Variants in SLC7A8 observed in about 807,000 individuals in gnomAD.
SLC7A8 encodes the protein large neutral amino acids transporter small subunit 2.
A neutral mutation model predicts 51.2 loss-of-function variants in SLC7A8; 30 were observed. That is an observed-to-expected ratio of 0.59 (90% CI 0.44 to 0.80). SLC7A8 has a LOEUF of 0.80. SLC7A8 is among the 30% of genes least tolerant of loss of function. The pLI is 0.00. For missense variants in SLC7A8, 612 were observed against 674.4 expected (o/e 0.91, Z 1.03); for synonymous variants, 257 against 275.8 (o/e 0.93, Z 0.67).
At chr14:23,163,289 T>G (rs1354155323) in intron 3 of SLC7A8, among the ~76,000 whole-genome samples, 1 of 152,144 alleles carries the variant, frequency 6.6e-6, no homozygotes, top group African/African-American at 2.4e-5. Flanking sequence ...CATCTCACAG[T>G]AGGGTGGACG....
intron 1 of SLC7A8, among the ~76,000 whole-genome samples, chr14:23,179,640 T>C (rs1877076093): frequency 6.6e-6 from 1 of 151,900 alleles, no homozygotes; most frequent in South Asian, 2.1e-4. Flanking sequence ...AGACCCTGTT[T>C]CTACAAGAAA....
chr14:23,144,302 G>C (rs2048770486), intron 3 of SLC7A8, among the ~76,000 whole-genome samples: 1 of 142,354 alleles, frequency 7.0e-6, no homozygotes, highest in African/African-American at 2.6e-5. Context: ...CTGTTGCTCT[G>C]TATCTTTCCC....
chr14:23,177,954 A>G (rs1264443173), intron 1 of SLC7A8, among the ~76,000 whole-genome samples: 1 of 152,254 alleles, frequency 6.6e-6, no homozygotes, highest in African/African-American at 2.4e-5. Context: ...TTAGGAGATA[A>G]AAATAGAAAT....
intron 6 of SLC7A8, 53 bp downstream of exon 6, chr14:23,139,371 G>C (rs981801358): frequency 1.2e-6 from 2 of 1,611,068 alleles, no homozygotes; most frequent in African/African-American, 2.7e-5. Flanking sequence ...GCTACAGCAG[G>C]CAAGTCTATG....
chr14:23,127,298 G>A lies in SLC7A8; in HGVS notation c.1487C>T (p.Pro496Leu), dbSNP rs778063447. The A allele has an allele frequency of 6.2e-7, 1 of 1,614,062 alleles. No individual in the cohort carries two copies. Among genetic ancestry groups the A allele is most frequent in the Non-Finnish European group, 8.5e-7 (1 of 1,179,976 alleles). ...VSQKMCVVVY[P>L]EVERGSGTEE... The stretch of plus-strand genomic sequence containing the variant: ...TGTCCCTGAGCCCCGCTCCACCTCG[G>A]GGTACACGACCACACACATCTTCTG... The change falls in exon 11 of 11, where the codon CCC (proline) becomes CTC (leucine). Residue 496 changes from proline (P) to leucine (L), a missense_variant. Physicochemically the swap from Pro to Leu is moderately conservative, Grantham distance 98. Coordinates refer to ENST00000316902, the MANE Select transcript of SLC7A8 (RefSeq NM_012244.4).
At chr14:23,176,597 T>C (rs1369389666) in intron 1 of SLC7A8, among the ~76,000 whole-genome samples, 1 of 152,044 alleles carries the variant, frequency 6.6e-6, no homozygotes, top group Non-Finnish European at 1.5e-5. Context: ...TGTCTTAAGA[T>C]TGTTGGGAAG....
rs1187610671 is a variant in SLC7A8, at chr14:23,159,805, A to G, written c.508+5480T>C. ...ACACATGAAGTCCTTTCCTTTCCAA[A>G]TAGCTCAAGGAAGAAGAGCTATCTG... On this transcript the variant is annotated intron_variant, in intron 3 of 10. Coordinates refer to ENST00000316902, the MANE Select transcript of SLC7A8 (RefSeq NM_012244.4). 3.9e-5 allele frequency among the ~76,000 whole-genome samples: 6 copies of G among 152,364 alleles called. 1 individual carries two copies. In the East Asian group the frequency reaches 1.2e-3, roughly 29 times the overall value.
At chr14:23,181,144 C>T (rs372266604) in intron 1 of SLC7A8, among the ~76,000 whole-genome samples, 31 of 151,188 alleles carry the variant, frequency 2.1e-4, no homozygotes, top group African/African-American at 7.5e-4. Context: ...TAAGTCAGAA[C>T]CTTCCTAGAG....
In SLC7A8 at chr14:23,140,574, G is replaced by T. The variant is rs199753830; in HGVS notation, c.685C>A (p.Pro229Thr). ...GCCAGTGCGACGAGGCCGATGTCAG[G>T]TTCCTGGAAATTCTCAAATGCATTC... Reference protein sequence around the residue: ...PKNAFENFQEPDIGLVALAFL... With the variant: ...PKNAFENFQETDIGLVALAFL... Residue 229 changes from proline to threonine, a missense_variant, in exon 5 of 11, where the codon CCT becomes ACT. Coordinates refer to ENST00000316902, the MANE Select transcript of SLC7A8 (RefSeq NM_012244.4). The T allele has an allele frequency of 7.4e-6, 12 of 1,613,988 alleles. No homozygotes were observed. The highest frequency in any genetic ancestry group is 6.7e-5 in the Admixed American group (4 of 60,008).
At chr14:23,181,328 G>A (rs1329295098) in intron 1 of SLC7A8, among the ~76,000 whole-genome samples, 1 of 151,836 alleles carries the variant, frequency 6.6e-6, no homozygotes, top group Non-Finnish European at 1.5e-5. Context: ...GAGAGATTCA[G>A]ATCATGACTA....
chr14:23,151,996 C>T (rs1283189659), intron 3 of SLC7A8, among the ~76,000 whole-genome samples: 2 of 151,976 alleles, frequency 1.3e-5, no homozygotes, highest in Non-Finnish European at 2.9e-5. Context: ...GAGCCAAGAT[C>T]GTGCCACTGC....
At chr14:23,151,749 T>TAAAAAAAA (rs60024939) in intron 3 of SLC7A8, among the ~76,000 whole-genome samples, 2 of 100,864 alleles carry the variant, frequency 2.0e-5, no homozygotes, top group African/African-American at 3.8e-5. Flanking sequence ...CCCTGTCTCT[T>TAAAAAAAA]AAAAAAAAAA....
At chr14:23,145,425 G>T (rs1450165549) in intron 3 of SLC7A8, among the ~76,000 whole-genome samples, 1 of 151,176 alleles carries the variant, frequency 6.6e-6, no homozygotes, top group Admixed American at 6.6e-5. Context: ...TACTCAGGAG[G>T]CTGAGGCAGG....
chr14:23,172,371 C>T lies in SLC7A8; in HGVS notation c.152-5831G>A, dbSNP rs2140338756. On this transcript the variant is annotated intron_variant, in intron 1 of 10. Transcript: ENST00000316902. ...CAGGTGGGCGGGCAGCAGGTAATTG[C>T]ATCTCAAAAGGTATTTATTGAGCGC... Among the ~76,000 whole-genome samples the T allele has an allele frequency of 2.0e-5, 3 of 152,318 alleles. 1 individual carries two copies. In the Middle Eastern group the frequency reaches 0.01, roughly 518 times the overall value.
At chr14:23,154,548 G>GTGGAAAA in intron 3 of SLC7A8, 2 of 913,122 alleles carry the variant, frequency 2.2e-6, no homozygotes, top group Non-Finnish European at 2.6e-6. Flanking sequence ...AAGCCGCTTC[G>GTGGAAAA]GCTTGGCCTG....
In SLC7A8 at chr14:23,126,738, C is replaced by G. The variant is rs1193001107; in HGVS notation, c.*439G>C. 1 of 193,826 alleles carries G rather than the reference C, an allele frequency of 5.2e-6. No individual in the cohort carries two copies. 12.0% of individuals were successfully genotyped at this position (193,826 alleles called of 1,614,324 possible). A position where few individuals can be genotyped will look rare whatever the true frequency, so the allele number is the denominator to read the frequency against. ...TGAACAGATAGGGTCTTGGGTCTCT[C>G]CAGCTGACCCCTTGATGGGGACAGA... On this transcript the variant is annotated 3_prime_UTR_variant, in exon 11 of 11. Coordinates refer to ENST00000316902, the MANE Select transcript of SLC7A8 (RefSeq NM_012244.4).
chr14:23,182,777 A>G lies in SLC7A8; in HGVS notation c.138T>C (p.Cys46=). 6.3e-7 allele frequency: 1 copy of G among 1,596,160 alleles called. No homozygotes were observed. The highest frequency in any genetic ancestry group is 2.2e-5 in the East Asian group (1 of 44,686). The change falls in exon 1 of 11, where the codon TGT becomes TGC. Residue 46 remains cysteine (C), a synonymous_variant. Transcript: ENST00000316902. The stretch of plus-strand genomic sequence containing the variant: ...AATGGAACTCACCTACGATGATACC[A>G]CAGGCACTGACCAATCCGATCTCTT... ...LKKEIGLVSA[C]GIIVGNIIGS... is the part of the protein sequence containing the mutation.
At chr14:23,129,287 A>C (rs1427824478) in intron 9 of SLC7A8, 2 of 178,058 alleles carry the variant, frequency 1.1e-5, no homozygotes, top group African/African-American at 4.7e-5. Context: ...TCTGGGATGG[A>C]GACATAGCAC....
chr14:23,171,089 A>G (rs1008790271), intron 1 of SLC7A8, among the ~76,000 whole-genome samples: 10 of 152,082 alleles, frequency 6.6e-5, no homozygotes, highest in African/African-American at 4.8e-5. Flanking sequence ...TTTTCCTCCA[A>G]TGTTTTAGCT....
Sources: allele counts gnomAD v4.1 joint callset (sites outside exome capture counted in the v4.1 genomes callset), GRCh38; gene constraint gnomAD v4.1.1; transcripts MANE v1.5; gene names NCBI Gene and HGNC (gene_info 2026-07-23, HGNC 2026-07-21).